Variants in EPG5 observed in about 807,000 individuals in gnomAD.
EPG5 encodes ectopic P-granules 5 autophagy tethering factor, also known as ectopic P granules protein 5 homolog.
In EPG5, 159 loss-of-function variants were observed where a neutral mutation model predicts 302.7. The ratio of observed to expected loss-of-function variants is 0.53; its 90% CI spans 0.46 to 0.60. The LOEUF is 0.60. Among genes scored for constraint, EPG5 ranks in the 20% least tolerant of loss-of-function variants. EPG5 has a pLI of 0.00. For synonymous variants in EPG5, 1,158 were observed against 1,136.8 expected, an observed-to-expected ratio of 1.02 and a Z score of -0.37; for missense variants, 2,896 against 3,092.4, an observed-to-expected ratio of 0.94 and a Z score of 1.51.
chr18:45,827,083 T>C, the EPG5 span, among the ~76,000 whole-genome samples: 1 of 152,134 alleles, frequency 6.6e-6, no homozygotes, highest in African/African-American at 2.4e-5. Context: ...CCCAGCTAAT[T>C]TTTTAAATTT....
intron 38 of EPG5, among the ~76,000 whole-genome samples, chr18:45,865,965 T>C (rs999056590): frequency 3.3e-5 from 5 of 152,172 alleles, no homozygotes; most frequent in African/African-American, 1.2e-4. Context: ...CCAGGGCCCA[T>C]GTTTTCCCAA....
At chr18:45,911,445 C>A (rs1239520848) in intron 22 of EPG5, among the ~76,000 whole-genome samples, 3 of 151,824 alleles carry the variant, frequency 2.0e-5, no homozygotes, top group Non-Finnish European at 2.9e-5. Flanking sequence ...GCCACCACGC[C>A]TGGCTAATTT....
chr18:45,890,062 A>T, intron 27 of EPG5, 122 bp from the exon 28 acceptor site: 1 of 700,416 alleles, frequency 1.4e-6, no homozygotes, highest in Non-Finnish European at 2.2e-6. Context: ...TCTTTATATG[A>T]CTGCCTTATA....
intron 4 of EPG5, among the ~76,000 whole-genome samples, chr18:45,950,315 G>C (rs2050877798): frequency 6.6e-6 from 1 of 152,150 alleles, no homozygotes; most frequent in African/African-American, 2.4e-5. Flanking sequence ...TCCAGAATAA[G>C]ATAGAATTCT....
At chr18:45,829,070 G>T in the EPG5 span, 43 of 985,514 alleles carry the variant, frequency 4.4e-5, no homozygotes, top group African/African-American at 6.6e-4. Context: ...CTGGGCAGGG[G>T]GTGGGGGCAC....
chr18:45,855,339 T>C (rs1398311391), intron 43 of EPG5: 1 of 436,854 alleles, frequency 2.3e-6, no homozygotes, highest in African/African-American at 2.0e-5. Flanking sequence ...GACAGACTTT[T>C]CGTTTGGCCT....
At chr18:45,911,110 C>CACACACATAT (rs1491456763) in intron 22 of EPG5, among the ~76,000 whole-genome samples, 49 of 127,964 alleles carry the variant, frequency 3.8e-4, no homozygotes, top group African/African-American at 1.4e-3. Context: ...CACACACACA[C>CACACACATAT]ATATATATAT....
At chr18:45,917,643 T>TA in intron 17 of EPG5, 36 bp downstream of exon 17, 1 of 1,611,724 alleles carries the variant, frequency 6.2e-7, no homozygotes, top group Non-Finnish European at 8.5e-7. Flanking sequence ...CTGGACTGTT[T>TA]AAGAGTGTCT....
At chr18:45,891,945 G>T (rs1223000736) in intron 27 of EPG5, among the ~76,000 whole-genome samples, 1 of 152,104 alleles carries the variant, frequency 6.6e-6, no homozygotes, top group Non-Finnish European at 1.5e-5. Context: ...ACCAAATACA[G>T]TTAGACCGGG....
intron 36 of EPG5, among the ~76,000 whole-genome samples, chr18:45,869,636 A>G (rs2048828375): frequency 6.6e-6 from 1 of 152,248 alleles, no homozygotes; most frequent in East Asian, 1.9e-4. Context: ...CTCATATACT[A>G]AATCTAGCTA....
chr18:45,887,325 C>T (rs1226100059), intron 29 of EPG5, among the ~76,000 whole-genome samples: 1 of 152,210 alleles, frequency 6.6e-6, no homozygotes, highest in East Asian at 1.9e-4. Context: ...CCAGTCTCAG[C>T]TCCACACTCA....
chr18:45,916,038 T>A lies in EPG5; in HGVS notation c.3553A>T (p.Ile1185Leu). The stretch of plus-strand genomic sequence containing the variant: ...TGTTGTTGGTAGAGTAATTTCTGTA[T>A]GCAGTCTTCCTGCATCAGCTGAAAA... Reference protein sequence around the residue: ...AAFQLMQEDCIQKLLYQQHKN... With the variant: ...AAFQLMQEDCLQKLLYQQHKN... The change falls in exon 19 of 44, where the codon ATA becomes TTA. Residue 1185 changes from isoleucine (I) to leucine (L), a missense_variant. Around this residue, in one of 5 missense-constraint regions of EPG5, gnomAD observed 1,390 missense variants for 1,430.0 expected, o/e 0.97. Coordinates refer to ENST00000282041, the MANE Select transcript of EPG5 (RefSeq NM_020964.3). 1 of 1,613,606 alleles carries A rather than the reference T, an allele frequency of 6.2e-7. No homozygotes were observed. The highest frequency in any genetic ancestry group is 8.5e-7 in the Non-Finnish European group (1 of 1,179,956).
downstream of EPG5, among the ~76,000 whole-genome samples, chr18:45,846,838 T>C (rs1437822497): frequency 6.6e-6 from 1 of 152,170 alleles, no homozygotes; most frequent in Non-Finnish European, 1.5e-5. Context: ...GATTATATGC[T>C]AAACAAGGGG....
rs747912106 is a variant in EPG5 at position 45,912,445 on chromosome 18, G to C, written c.3828C>G (p.Thr1276=). Residue 1276 remains threonine, a synonymous_variant, in exon 22 of 44, where the codon ACC becomes ACG. Transcript: ENST00000282041. ...TPDQALKKAQ[T]QLKLPIVPSL... is the part of the protein sequence containing the mutation. ...ATGGCACGATGGGGAGCTTCAGCTGGGTCTGGGCTTTCTACAAAAAAGAAA... is the reference window on the plus strand; with the variant it reads ...ATGGCACGATGGGGAGCTTCAGCTGCGTCTGGGCTTTCTACAAAAAAGAAA... 3.8e-6 allele frequency: 6 copies of C among 1,592,592 alleles called. No homozygotes were observed. In the South Asian group the frequency reaches 6.9e-5, roughly 18 times the overall value.
Position 45,928,597 on chromosome 18 carries a change from T to A in EPG5, c.2553+272A>T, listed in dbSNP as rs531519841. ...TGAAATAAAAATTGTTAATTAACTA[T>A]AGGTCATAAGTAAAGTAAAAATATG... On this transcript the variant is annotated intron_variant, in intron 13 of 43. Transcript: ENST00000282041. Among the ~76,000 whole-genome samples, 604 of 152,332 alleles carry A rather than the reference T, an allele frequency of 4.0e-3. 4 individuals are homozygous for A. The highest frequency in any genetic ancestry group is 0.034 in the Middle Eastern group (10 of 294).
intron 6 of EPG5, among the ~76,000 whole-genome samples, chr18:45,948,277 T>G (rs950333145): frequency 6.6e-6 from 1 of 152,258 alleles, no homozygotes; most frequent in Non-Finnish European, 1.5e-5. Flanking sequence ...ATAGTATATA[T>G]GACCCACTAA....
At chr18:45,914,339 T>C (rs1228072845) in intron 20 of EPG5, among the ~76,000 whole-genome samples, 3 of 152,190 alleles carry the variant, frequency 2.0e-5, no homozygotes, top group African/African-American at 7.2e-5. Context: ...GCCCGGGATG[T>C]GTCTAGGTAA....
intron 21 of EPG5, 131 bp from the exon 22 acceptor site, chr18:45,912,587 C>T (rs539710385): frequency 1.0e-6 from 1 of 965,664 alleles, no homozygotes; most frequent in African/African-American, 1.7e-5. Flanking sequence ...TTAAAAGTCA[C>T]ATAAAACTCA....
At chr18:45,942,331 G>A (rs912816549) in intron 9 of EPG5, among the ~76,000 whole-genome samples, 2 of 152,020 alleles carry the variant, frequency 1.3e-5, no homozygotes, top group African/African-American at 4.8e-5. Context: ...GGCCAGGCAC[G>A]GTGGCTCACA....
Sources: gnomAD v4.1 joint callset for allele counts (sites outside exome capture counted in the v4.1 genomes callset) on GRCh38, gnomAD v4.1.1 for gene constraint, gnomAD v4.1.1 regional missense constraint, MANE v1.5 for transcripts, NCBI Gene and HGNC (gene_info 2026-07-23, HGNC 2026-07-21) for gene names.